The following QRICH1 variants were observed in gnomAD, a reference collection of about 807,000 sequenced individuals.
The protein encoded by QRICH1 is transcriptional regulator QRICH1.
Under a neutral mutation model 87.1 loss-of-function variants are expected in QRICH1, and 16 were observed. The ratio of observed to expected loss-of-function variants is 0.18; its 90% CI spans 0.12 to 0.28. QRICH1 has a LOEUF of 0.28. Among genes scored for constraint, QRICH1 ranks in the 10% least tolerant of loss-of-function variants. QRICH1 has a pLI of 1.00. For missense variants in QRICH1, 647 were observed against 951.7 expected, an observed-to-expected ratio of 0.68 and a Z score of 4.21; for synonymous variants, 367 against 368.4, an observed-to-expected ratio of 1.00 and a Z score of 0.05.
chr3:49,077,035 G>A lies in QRICH1; in HGVS notation c.-18C>T, dbSNP rs2041965288. Reference sequence around the variant, plus strand: ...TTATTCATATTGCAGAGTCCTTAGGGTTCCTAGAAATAAACAGAAGTCAAA... The same window carrying A: ...TTATTCATATTGCAGAGTCCTTAGGATTCCTAGAAATAAACAGAAGTCAAA... On this transcript the variant is annotated 5_prime_UTR_variant, in exon 2 of 10. Transcript: ENST00000395443. The A allele has an allele frequency of 1.4e-6, 2 of 1,380,212 alleles. No individual in the cohort carries two copies. The highest frequency in any genetic ancestry group is 1.9e-6 in the Non-Finnish European group (2 of 1,045,610). The allele number at this position is 1,380,212 out of a possible 1,614,324, so 85.5% of individuals were successfully genotyped here. A position where few individuals can be genotyped will look rare whatever the true frequency, so the allele number is the denominator to read the frequency against.
upstream of QRICH1, chr3:49,094,189 C>T: frequency 2.6e-6 from 1 of 391,838 alleles, no homozygotes; most frequent in Non-Finnish European, 4.5e-6. Context: ...GCGCTTCTGG[C>T]CGCTAGAGCG....
At chr3:49,032,841 C>T in intron 7 of QRICH1, 68 bp from the exon 8 acceptor site, 1 of 1,512,046 alleles carries the variant, frequency 6.6e-7, no homozygotes, top group East Asian at 2.3e-5. Context: ...CATCCTCTGC[C>T]CACTGGTGCT....
chr3:49,086,717 T>C (rs927298804), intron 1 of QRICH1, among the ~76,000 whole-genome samples: 2 of 152,184 alleles, frequency 1.3e-5, no homozygotes, highest in Non-Finnish European at 2.9e-5. Context: ...TGTTTGCTAA[T>C]TTTTTTCTTT....
chr3:49,058,650 C>T (rs1363167027), intron 2 of QRICH1, among the ~76,000 whole-genome samples: 5 of 150,544 alleles, frequency 3.3e-5, no homozygotes, highest in Non-Finnish European at 7.4e-5. Context: ...TTCTTTGAGG[C>T]GGAGTTTTGC....
At chr3:49,063,222 T>C (rs2093445582) in intron 2 of QRICH1, among the ~76,000 whole-genome samples, 1 of 152,218 alleles carries the variant, frequency 6.6e-6, no homozygotes, top group African/African-American at 2.4e-5. Context: ...ATTATTTCTC[T>C]CCATGAAGTA....
At chr3:49,088,726 A>G (rs1327394958) in intron 1 of QRICH1, among the ~76,000 whole-genome samples, 2 of 150,570 alleles carry the variant, frequency 1.3e-5, no homozygotes, top group East Asian at 2.0e-4. Context: ...CCTGGGCTCA[A>G]ACAATCCTCC....
intron 1 of QRICH1, among the ~76,000 whole-genome samples, chr3:49,079,574 C>T (rs1307536354): frequency 6.6e-6 from 1 of 151,258 alleles, no homozygotes; most frequent in Non-Finnish European, 1.5e-5. Context: ...ACGATGTCCA[C>T]ATCACACATA....
Position 49,030,595 on chromosome 3 carries a change from G to C in QRICH1, c.2188C>G (p.Pro730Ala). Residue 730 changes from proline (P) to alanine (A), a missense_variant, in exon 10 of 10, where the codon CCA becomes GCA. This residue lies in a region of QRICH1 where 56 missense variants were observed against 79.4 expected (regional missense o/e 0.71). Transcript: ENST00000395443. ...ATTGGGCTGTTGGGGGCCACCACTG[G>C]CTCAGGTGTCAGGTAAAAGGTGTCA... The part of the protein sequence containing the change: ...RNDTFYLTPE[P>A]VVAPNSPIWY... 2 of 1,610,206 alleles carry C rather than the reference G, an allele frequency of 1.2e-6. No homozygotes were observed. Among genetic ancestry groups the C allele is most frequent in the South Asian group, 2.2e-5 (2 of 90,618 alleles).
At chr3:49,074,432 C>T (rs1039612915) in intron 2 of QRICH1, among the ~76,000 whole-genome samples, 1 of 150,744 alleles carries the variant, frequency 6.6e-6, no homozygotes, top group Non-Finnish European at 1.5e-5. Context: ...ATTAGCCAGG[C>T]ATGGTGGCTG....
At chr3:49,091,607 G>A (rs777404911) in intron 1 of QRICH1, among the ~76,000 whole-genome samples, 2 of 152,188 alleles carry the variant, frequency 1.3e-5, no homozygotes, top group Admixed American at 6.5e-5. Flanking sequence ...AGAGGTTCTC[G>A]AAGAGTTATA....
chr3:49,092,337 G>A (rs2042292041), intron 1 of QRICH1: 2 of 151,858 alleles, frequency 1.3e-5, no homozygotes, highest in Admixed American at 1.3e-4. Flanking sequence ...TAATGCTTCA[G>A]TATTACCAGA....
chr3:49,056,986 G>T lies in QRICH1; in HGVS notation c.1214C>A (p.Thr405Lys). ...GACAGTTTGAGCCGTATTCTGGTAC[G>T]TGCCTGCCACAGCCTGCACAGCCAC... is the stretch of plus-strand genomic sequence containing the variant. ...IPVAVQAVAG[T>K]YQNTAQTVHI... is the part of the protein sequence containing the mutation. Residue 405 changes from threonine to lysine, a missense_variant, in exon 3 of 10, where the codon ACG (threonine) becomes AAG (lysine). By Grantham distance (78) the Thr-to-Lys change is moderately conservative. This residue lies in a region of QRICH1 where 115 missense variants were observed against 126.8 expected (regional missense o/e 0.91). Coordinates refer to ENST00000395443, the MANE Select transcript of QRICH1 (RefSeq NM_198880.3). 3 of 1,614,182 alleles carry T rather than the reference G, an allele frequency of 1.9e-6. No homozygotes were observed. The highest frequency in any genetic ancestry group is 2.5e-6 in the Non-Finnish European group (3 of 1,180,048).
chr3:49,041,812 T>C (rs2093311979), intron 6 of QRICH1, among the ~76,000 whole-genome samples: 1 of 151,822 alleles, frequency 6.6e-6, no homozygotes, highest in African/African-American at 2.4e-5. Context: ...TTGTATTTAG[T>C]AGAGACGGGG....
chr3:49,059,522 C>T (rs1029180202), intron 2 of QRICH1, among the ~76,000 whole-genome samples: 1 of 150,030 alleles, frequency 6.7e-6, no homozygotes, highest in African/African-American at 2.5e-5. Context: ...TGGGTTCAAG[C>T]TATTCTCCTG....
chr3:49,077,421 GGAA>G (rs1299813483), intron 1 of QRICH1, among the ~76,000 whole-genome samples: 1 of 152,144 alleles, frequency 6.6e-6, no homozygotes, highest in Non-Finnish European at 1.5e-5. Flanking sequence ...CAAGCAAGGA[GGAA>G]GCTAGGGGCA....
chr3:49,032,938 G>A, intron 7 of QRICH1, 165 bp from the exon 8 acceptor site: 1 of 981,724 alleles, frequency 1.0e-6, no homozygotes, highest in South Asian at 1.8e-5. Flanking sequence ...CAAGATGGAT[G>A]GTAGGGGTCT....
chr3:49,037,963 A>C (rs555611341), intron 6 of QRICH1, among the ~76,000 whole-genome samples: 1 of 152,256 alleles, frequency 6.6e-6, no homozygotes, highest in South Asian at 2.1e-4. Flanking sequence ...CAAAAACAAA[A>C]ACACAACAGC....
At chr3:49,079,712 A>G (rs1341761808) in intron 1 of QRICH1, among the ~76,000 whole-genome samples, 2 of 152,106 alleles carry the variant, frequency 1.3e-5, no homozygotes, top group Non-Finnish European at 2.9e-5. Context: ...CTTTGTTAAT[A>G]GCACAGTAGC....
At chr3:49,045,562 C>G (rs1166672348) in intron 5 of QRICH1, among the ~76,000 whole-genome samples, 2 of 152,050 alleles carry the variant, frequency 1.3e-5, no homozygotes, top group African/African-American at 4.8e-5. Flanking sequence ...TCCCAAATAG[C>G]TGGGACTACA....
Sources: allele counts gnomAD v4.1 joint callset (sites outside exome capture counted in the v4.1 genomes callset), GRCh38; gene constraint gnomAD v4.1.1; regional missense constraint gnomAD v4.1.1; transcripts MANE v1.5; gene names NCBI Gene and HGNC (gene_info 2026-07-23, HGNC 2026-07-21).